The following DPH6 variants were observed in gnomAD, a reference collection of about 807,000 sequenced individuals.
DPH6 encodes the protein diphthamine biosynthesis 6, also known as diphthine--ammonia ligase.
In DPH6, 33 loss-of-function variants were observed where a neutral mutation model predicts 38.2. That is an observed-to-expected ratio of 0.86 (90% CI 0.65 to 1.15). The LOEUF (loss-of-function observed/expected upper bound fraction) is 1.15. Ranked by LOEUF, DPH6 falls within the 50% of genes most tolerant of loss-of-function variation. DPH6 has a pLI of 0.00. For synonymous variants in DPH6, 108 were observed against 103.0 expected, an observed-to-expected ratio of 1.05 and a Z score of -0.30; for missense variants, 325 against 320.0, an observed-to-expected ratio of 1.02 and a Z score of -0.12.
At chr15:35,436,755 T>TG (rs752939890) in intron 5 of DPH6, among the ~76,000 whole-genome samples, 2 of 150,208 alleles carry the variant, frequency 1.3e-5, no homozygotes, top group Non-Finnish European at 3.0e-5. Flanking sequence ...GCCTTTAAGT[T>TG]TTTTTTTTTT....
intron 3 of DPH6, among the ~76,000 whole-genome samples, chr15:35,280,268 A>G (rs1412258838): frequency 3.3e-5 from 5 of 152,230 alleles, no homozygotes; most frequent in Non-Finnish European, 7.3e-5. Flanking sequence ...GTTCTGAAAG[A>G]TAGCACAGCA....
At chr15:35,318,695 CA>C (rs1301032646) in intron 3 of DPH6, among the ~76,000 whole-genome samples, 2 of 152,132 alleles carry the variant, frequency 1.3e-5, no homozygotes, top group Non-Finnish European at 2.9e-5. Context: ...ACTAAGACTA[CA>C]ACACCTAAGA....
At chr15:35,269,038 C>T (rs2051803420) in intron 3 of DPH6, among the ~76,000 whole-genome samples, 1 of 152,242 alleles carries the variant, frequency 6.6e-6, no homozygotes, top group Non-Finnish European at 1.5e-5. Flanking sequence ...AGCTCATTTA[C>T]AATAACTCCC....
At chr15:35,376,614 C>T (rs1174561480) in intron 7 of DPH6, among the ~76,000 whole-genome samples, 1 of 152,154 alleles carries the variant, frequency 6.6e-6, no homozygotes, top group African/African-American at 2.4e-5. Context: ...CACTCACTGA[C>T]TCACCCAGAG....
At chr15:35,302,763 A>G (rs954789634) in intron 3 of DPH6, among the ~76,000 whole-genome samples, 2 of 151,988 alleles carry the variant, frequency 1.3e-5, no homozygotes, top group Non-Finnish European at 2.9e-5. Flanking sequence ...TTTGAAAGTA[A>G]TTATCTCAAA....
At chr15:35,417,336 GTTT>G (rs1190452537) in intron 5 of DPH6, among the ~76,000 whole-genome samples, 6 of 151,720 alleles carry the variant, frequency 4.0e-5, no homozygotes, top group African/African-American at 1.5e-4. Context: ...TAAGATTTTA[GTTT>G]TTTATTTTAT....
At chr15:35,204,507 T>C in the DPH6 span, among the ~76,000 whole-genome samples, 1 of 151,790 alleles carries the variant, frequency 6.6e-6, no homozygotes, top group Non-Finnish European at 1.5e-5. Flanking sequence ...TTGGAGGCCA[T>C]ATATAATTCT....
the DPH6 span, among the ~76,000 whole-genome samples, chr15:35,177,906 C>T: frequency 6.6e-6 from 1 of 151,790 alleles, no homozygotes; most frequent in Admixed American, 6.6e-5. Flanking sequence ...GATGCCATTG[C>T]ACTCCAGCCT....
At chr15:35,262,744 T>C in intron 3 of DPH6, among the ~76,000 whole-genome samples, 1 of 143,864 alleles carries the variant, frequency 7.0e-6, no homozygotes, top group East Asian at 2.0e-4. Context: ...AAAGATATCT[T>C]AATGAATAGC....
chr15:35,361,512 C>CT (rs61674855), intron 3 of DPH6, among the ~76,000 whole-genome samples: 62 of 147,386 alleles, frequency 4.2e-4, no homozygotes, highest in African/African-American at 5.2e-4. Flanking sequence ...AATAACCTCT[C>CT]TTTTTTTTTT....
chr15:35,221,071 C>T lies in DPH6; in HGVS notation n.201-489G>A, dbSNP rs72707078. ...CAAGGCGGAACAGGCAAAAGATGAA[C>T]ATTCATATTCCAAAAGGGGGAAAAG... On this transcript the variant is annotated intron_variant and non_coding_transcript_variant, in intron 3 of 3. Transcript: ENST00000560386. Among the ~76,000 whole-genome samples the T allele has an allele frequency of 1.6e-3, 244 of 152,294 alleles. 1 individual carries two copies. Among genetic ancestry groups the T allele is most frequent in the East Asian group, 4.0e-3 (21 of 5,190 alleles).
At chr15:35,491,005 C>A (rs73382728) in intron 3 of DPH6, among the ~76,000 whole-genome samples, 14,121 of 152,054 alleles carry the variant, frequency 0.093, 904 homozygotes, top group African/African-American at 0.18. Context: ...CCTTTTATCA[C>A]AAGTCTATTC....
rs1002766189 is a variant in DPH6, at chr15:35,298,694, C to T, written n.200+74827G>A. 1.7e-5 allele frequency: 27 copies of T among 1,575,864 alleles called. No homozygotes were observed. The South Asian group carries it at 2.2e-4, about 13-fold the overall frequency. On this transcript the variant is annotated intron_variant and non_coding_transcript_variant, in intron 3 of 3. Coordinates refer to the DPH6 transcript ENST00000560386. ...CAGCCCCTGCTCATGCTTCCCCAGA[C>T]CCTGGCCCTCCCGGAAGCCGTACTT...
chr15:35,384,484 A>G (rs2052917375), intron 6 of DPH6, among the ~76,000 whole-genome samples: 1 of 152,126 alleles, frequency 6.6e-6, no homozygotes. Context: ...ATAGCCTTCA[A>G]AGTCATGACA....
chr15:35,259,847 C>T (rs182281296), intron 3 of DPH6, among the ~76,000 whole-genome samples: 6 of 152,200 alleles, frequency 3.9e-5, no homozygotes, highest in East Asian at 3.9e-4. Context: ...ATGTTGAACA[C>T]GACAAATTGG....
intron 8 of DPH6, among the ~76,000 whole-genome samples, chr15:35,372,964 G>T (rs2052732066): frequency 6.6e-6 from 1 of 151,816 alleles, no homozygotes; most frequent in Non-Finnish European, 1.5e-5. Context: ...CTCAATCAAG[G>T]AATCTAATCC....
At chr15:35,192,704 T>C in the DPH6 span, among the ~76,000 whole-genome samples, 1 of 152,336 alleles carries the variant, frequency 6.6e-6, no homozygotes, top group East Asian at 1.9e-4. Context: ...AAATAAGATA[T>C]AGGTAATGAA....
intron 3 of DPH6, among the ~76,000 whole-genome samples, chr15:35,467,744 G>C (rs2054145695): frequency 6.6e-6 from 1 of 151,900 alleles, no homozygotes; most frequent in African/African-American, 2.4e-5. Context: ...AGGCCTTCTT[G>C]CGGAATACCT....
At chr15:35,154,754 T>C in the DPH6 span, among the ~76,000 whole-genome samples, 1 of 152,192 alleles carries the variant, frequency 6.6e-6, no homozygotes, top group Middle Eastern at 3.4e-3. Context: ...CAGTGGCAGG[T>C]TCCTTTTACT....
Sources: gnomAD v4.1 joint callset for allele counts (sites outside exome capture counted in the v4.1 genomes callset) on GRCh38, gnomAD v4.1.1 for gene constraint, MANE v1.5 for transcripts, NCBI Gene and HGNC (gene_info 2026-07-23, HGNC 2026-07-21) for gene names.